Variants in CSMD1 observed in about 807,000 individuals in gnomAD.
CSMD1 encodes CUB and sushi domain-containing protein 1.
Under a neutral mutation model 417.5 loss-of-function variants are expected in CSMD1, and 213 were observed. The observed-to-expected ratio is 0.51, with a 90% CI of 0.46 to 0.57. The LOEUF (loss-of-function observed/expected upper bound fraction) is 0.57, where lower values mean the gene tolerates loss of function less well. Among genes scored for constraint, CSMD1 ranks in the 20% least tolerant of loss-of-function variants. CSMD1 has a pLI of 0.00. For missense variants in CSMD1, 6,923 were observed against 4,529.7 expected (o/e 1.53, Z -15.17); for synonymous variants, 2,862 against 1,736.8 (o/e 1.65, Z -16.11).
intron 30 of CSMD1, among the ~76,000 whole-genome samples, chr8:3,211,871 C>A (rs1282951885): frequency 6.6e-6 from 1 of 152,194 alleles, no homozygotes; most frequent in African/African-American, 2.4e-5. Context: ...CATGCACTGC[C>A]CAGGCCGCTC....
At chr8:4,784,147 C>G (rs1012493562) in intron 1 of CSMD1, among the ~76,000 whole-genome samples, 4 of 152,120 alleles carry the variant, frequency 2.6e-5, no homozygotes, top group Admixed American at 2.0e-4. Flanking sequence ...AGTCAGTTGC[C>G]TGATTCATAT....
At chr8:4,446,343 T>G (rs1486392844) in intron 2 of CSMD1, among the ~76,000 whole-genome samples, 1 of 151,768 alleles carries the variant, frequency 6.6e-6, no homozygotes, top group South Asian at 2.1e-4. Context: ...AGCCCAGGAG[T>G]TTGAAACCAG....
At chr8:3,934,998 A>C (rs925937303) in intron 5 of CSMD1, among the ~76,000 whole-genome samples, 1 of 152,194 alleles carries the variant, frequency 6.6e-6, no homozygotes, top group East Asian at 1.9e-4. Flanking sequence ...TGTAATACAC[A>C]TAATCAAGTG....
At chr8:3,950,363 G>T (rs866180737) in intron 5 of CSMD1, among the ~76,000 whole-genome samples, 3 of 152,198 alleles carry the variant, frequency 2.0e-5, no homozygotes, top group Non-Finnish European at 4.4e-5. Flanking sequence ...TAAAGTTTAA[G>T]AACAGGGAAA....
intron 3 of CSMD1, among the ~76,000 whole-genome samples, chr8:4,292,199 G>A (rs1342251179): frequency 1.3e-5 from 2 of 152,122 alleles, no homozygotes; most frequent in East Asian, 3.9e-4. Flanking sequence ...TTATTTATTT[G>A]TATATGCTGC....
At chr8:3,252,997 T>C (rs1800387937) in intron 26 of CSMD1, among the ~76,000 whole-genome samples, 1 of 152,224 alleles carries the variant, frequency 6.6e-6, no homozygotes, top group Non-Finnish European at 1.5e-5. Flanking sequence ...ATTTTGTTGA[T>C]CTTTTCAAAA....
intron 7 of CSMD1, among the ~76,000 whole-genome samples, chr8:3,629,530 G>A (rs1388013503): frequency 1.3e-5 from 2 of 152,098 alleles, no homozygotes; most frequent in Non-Finnish European, 2.9e-5. Context: ...GCAAATATCA[G>A]CTCCTCATCT....
chr8:3,875,773 T>A (rs1479375036), intron 5 of CSMD1, among the ~76,000 whole-genome samples: 1 of 152,098 alleles, frequency 6.6e-6, no homozygotes, highest in Non-Finnish European at 1.5e-5. Context: ...GAAGACCTCC[T>A]CAAAGCTTTG....
intron 4 of CSMD1, among the ~76,000 whole-genome samples, chr8:4,020,763 C>T (rs1302080321): frequency 6.6e-6 from 1 of 152,216 alleles, no homozygotes; most frequent in Non-Finnish European, 1.5e-5. Flanking sequence ...TCATTACTTC[C>T]AACCTTGAGA....
At chr8:4,467,122 T>C (rs1416397181) in intron 2 of CSMD1, among the ~76,000 whole-genome samples, 1 of 86,254 alleles carries the variant, frequency 1.2e-5, no homozygotes, top group Non-Finnish European at 2.3e-5. Flanking sequence ...TTCTTCAGAG[T>C]AAAAAAAAAA....
chr8:4,449,921 C>A lies in CSMD1; in HGVS notation c.303-29856G>T, dbSNP rs1384898365. 2.0e-5 allele frequency among the ~76,000 whole-genome samples: 3 copies of A among 152,188 alleles called. No individual in the cohort carries two copies. The East Asian group carries it at 5.8e-4, about 29-fold the overall frequency. ...ATATGTATAAAACCTGGGCACCATG[C>A]CCAATACACAGAAGATGCTCAATTT... On this transcript the variant is annotated intron_variant, in intron 2 of 69. Coordinates refer to ENST00000635120, the MANE Select transcript of CSMD1 (RefSeq NM_033225.6).
intron 2 of CSMD1, among the ~76,000 whole-genome samples, chr8:4,589,261 T>G (rs1422006650): frequency 6.6e-6 from 1 of 152,200 alleles, no homozygotes; most frequent in East Asian, 1.9e-4. Context: ...TTTTTATTTC[T>G]AAATTTGTGT....
At chr8:3,454,963 T>C (rs1279439573) in intron 12 of CSMD1, among the ~76,000 whole-genome samples, 1 of 152,236 alleles carries the variant, frequency 6.6e-6, no homozygotes, top group Non-Finnish European at 1.5e-5. Context: ...CAGATGTAGA[T>C]TTGGTCTTTT....
At chr8:3,921,411 G>C (rs886325912) in intron 5 of CSMD1, among the ~76,000 whole-genome samples, 1 of 151,688 alleles carries the variant, frequency 6.6e-6, no homozygotes, top group African/African-American at 2.4e-5. Context: ...TATCTAACTT[G>C]TATTATTTTC....
intron 2 of CSMD1, among the ~76,000 whole-genome samples, chr8:4,523,318 A>G (rs1433461539): frequency 2.0e-5 from 3 of 152,184 alleles, no homozygotes; most frequent in Non-Finnish European, 4.4e-5. Context: ...CTGAAACTGT[A>G]TACATAATAG....
chr8:3,806,439 G>A (rs1475577625), intron 5 of CSMD1, among the ~76,000 whole-genome samples: 1 of 152,194 alleles, frequency 6.6e-6, no homozygotes, highest in African/African-American at 2.4e-5. Flanking sequence ...GCCATGGCCT[G>A]AATAATGAAG....
chr8:3,098,091 C>T (rs866153507), intron 46 of CSMD1, among the ~76,000 whole-genome samples: 1 of 152,334 alleles, frequency 6.6e-6, no homozygotes, highest in Admixed American at 6.5e-5. Flanking sequence ...ACTGAATTAT[C>T]TTCCAGAAAC....
chr8:4,019,311 G>A (rs774561716), intron 4 of CSMD1, among the ~76,000 whole-genome samples: 11 of 152,306 alleles, frequency 7.2e-5, no homozygotes, highest in South Asian at 2.1e-4. Context: ...GGCTTGGAAT[G>A]TTTCTGTGTC....
intron 5 of CSMD1, chr8:3,950,001 A>C: frequency 4.4e-6 from 2 of 455,870 alleles, no homozygotes; most frequent in South Asian, 1.5e-5. Flanking sequence ...TACCCACTAC[A>C]TTTGCCAGGG....
Sources: allele counts gnomAD v4.1 joint callset (sites outside exome capture counted in the v4.1 genomes callset), GRCh38; gene constraint gnomAD v4.1.1; transcripts MANE v1.5; gene names NCBI Gene and HGNC (gene_info 2026-07-23, HGNC 2026-07-21).